CNTNAP2: variants seen among roughly 807,000 people sequenced by gnomAD.
CNTNAP2 encodes the protein contactin associated protein 2.
A neutral mutation model predicts 155.2 loss-of-function variants in CNTNAP2; 98 were observed. The observed-to-expected ratio is 0.63, with a 90% CI of 0.54 to 0.75. CNTNAP2 has a LOEUF of 0.75. Among genes scored for constraint, CNTNAP2 ranks in the 30% least tolerant of loss-of-function variants. The pLI is 0.00. For missense variants in CNTNAP2, 1,727 were observed against 1,688.1 expected (o/e 1.02, Z -0.40); for synonymous variants, 651 against 631.2 (o/e 1.03, Z -0.47).
chr7:147,986,579 C>T (rs1801620621), intron 15 of CNTNAP2, among the ~76,000 whole-genome samples: 1 of 152,152 alleles, frequency 6.6e-6, no homozygotes, highest in Admixed American at 6.5e-5. Context: ...GTGACTGGCC[C>T]AAGGTCTCAG....
chr7:147,333,615 T>A (rs192858901), intron 9 of CNTNAP2, among the ~76,000 whole-genome samples: 32 of 152,290 alleles, frequency 2.1e-4, no homozygotes, highest in Admixed American at 1.5e-3. Flanking sequence ...TAAGTAAATA[T>A]AATTGACCTA....
At chr7:148,224,666 TA>T (rs1328670535) in intron 19 of CNTNAP2, among the ~76,000 whole-genome samples, 16 of 152,216 alleles carry the variant, frequency 1.1e-4, no homozygotes, top group Non-Finnish European at 1.5e-5. Context: ...AGGGAGACTG[TA>T]TTCATCTGTT....
At chr7:147,575,915 G>C (rs549744479) in intron 12 of CNTNAP2, among the ~76,000 whole-genome samples, 13 of 151,952 alleles carry the variant, frequency 8.6e-5, no homozygotes, top group Middle Eastern at 3.4e-3. Context: ...TATGGAAACT[G>C]AAACACAAAC....
At chr7:147,226,966 C>T (rs930283717) in intron 8 of CNTNAP2, among the ~76,000 whole-genome samples, 1 of 152,068 alleles carries the variant, frequency 6.6e-6, no homozygotes, top group African/African-American at 2.4e-5. Flanking sequence ...TGGAAAGATA[C>T]AGACAATTAA....
At chr7:146,684,639 C>CAAA (rs3080477) in intron 1 of CNTNAP2, among the ~76,000 whole-genome samples, 1,757 of 63,412 alleles carry the variant, frequency 0.028, 176 homozygotes, top group Middle Eastern at 0.14. Flanking sequence ...AGATCCAGCG[C>CAAA]AAAAAAAAAA....
chr7:147,853,154 C>A (rs1798979122), intron 13 of CNTNAP2, among the ~76,000 whole-genome samples: 1 of 152,216 alleles, frequency 6.6e-6, no homozygotes, highest in African/African-American at 2.4e-5. Context: ...ATCTAAGTAG[C>A]ACCACCACTA....
intron 1 of CNTNAP2, among the ~76,000 whole-genome samples, chr7:146,517,694 G>A (rs1797561226): frequency 6.6e-6 from 1 of 151,794 alleles, no homozygotes; most frequent in Admixed American, 6.6e-5. Flanking sequence ...TGTAAAGAAA[G>A]GATTGTCTGA....
chr7:146,759,743 AG>A, intron 1 of CNTNAP2, among the ~76,000 whole-genome samples: 2 of 150,440 alleles, frequency 1.3e-5, no homozygotes, highest in Admixed American at 6.6e-5. Flanking sequence ...TGTGAGAGCA[AG>A]GTCCCTCAGA....
intron 1 of CNTNAP2, among the ~76,000 whole-genome samples, chr7:146,500,932 G>C (rs1797291677): frequency 6.6e-6 from 1 of 151,918 alleles, no homozygotes; most frequent in Non-Finnish European, 1.5e-5. Flanking sequence ...ATCATGAAAG[G>C]GTGCCAGATT....
chr7:146,261,477 G>A (rs982945636), intron 1 of CNTNAP2, among the ~76,000 whole-genome samples: 5 of 151,658 alleles, frequency 3.3e-5, no homozygotes, highest in African/African-American at 4.8e-5. Context: ...ATAGTTTTAT[G>A]AAGAGATAAA....
chr7:146,706,098 C>T (rs1800960832), intron 1 of CNTNAP2, among the ~76,000 whole-genome samples: 1 of 150,990 alleles, frequency 6.6e-6, no homozygotes, highest in Non-Finnish European at 1.5e-5. Flanking sequence ...CCAGTAACAC[C>T]CCTACCAGTC....
chr7:148,338,749 T>C (rs1379855174), intron 21 of CNTNAP2, among the ~76,000 whole-genome samples: 1 of 152,102 alleles, frequency 6.6e-6, no homozygotes, highest in Non-Finnish European at 1.5e-5. Context: ...CATGCCAGAA[T>C]ATTAAGATGC....
intron 9 of CNTNAP2, among the ~76,000 whole-genome samples, chr7:147,316,999 C>A (rs1384979166): frequency 1.3e-5 from 2 of 152,342 alleles, no homozygotes; most frequent in Admixed American, 6.5e-5. Context: ...CCATTGCCCT[C>A]CATCCAGGAT....
intron 3 of CNTNAP2, among the ~76,000 whole-genome samples, chr7:146,940,893 C>G (rs1035024065): frequency 1.3e-5 from 2 of 152,022 alleles, no homozygotes; most frequent in Non-Finnish European, 2.9e-5. Context: ...AAATGGGCCA[C>G]TTTCTAATTA....
intron 10 of CNTNAP2, among the ~76,000 whole-genome samples, chr7:147,430,122 T>C (rs1027096327): frequency 3.9e-5 from 6 of 152,190 alleles, no homozygotes; most frequent in African/African-American, 1.4e-4. Context: ...GAAATAGATA[T>C]TTGGTGTCAG....
chr7:146,456,182 T>C (rs1796552015), intron 1 of CNTNAP2, among the ~76,000 whole-genome samples: 1 of 152,172 alleles, frequency 6.6e-6, no homozygotes, highest in African/African-American at 2.4e-5. Flanking sequence ...TTTGGAAGTT[T>C]GTGAATGCCA....
chr7:148,264,186 A>G (rs1249005592), intron 20 of CNTNAP2, among the ~76,000 whole-genome samples: 5 of 152,240 alleles, frequency 3.3e-5, no homozygotes, highest in African/African-American at 1.2e-4. Context: ...CTAGTCATCC[A>G]TGACAAATGA....
chr7:148,383,606 T>C, intron 21 of CNTNAP2, 43 bp from the exon 22 acceptor site: 3 of 1,614,146 alleles, frequency 1.9e-6, no homozygotes, highest in Non-Finnish European at 2.5e-6. Context: ...ACAGCTGGAC[T>C]ATGGTGAGTC....
intron 9 of CNTNAP2, among the ~76,000 whole-genome samples, chr7:147,333,537 A>G (rs537226121): frequency 2.6e-5 from 4 of 152,322 alleles, no homozygotes; most frequent in African/African-American, 9.6e-5. Context: ...CCAAACCACT[A>G]TTGAAGATAG....
Sources: gnomAD v4.1 joint callset for allele counts (sites outside exome capture counted in the v4.1 genomes callset) on GRCh38, gnomAD v4.1.1 for gene constraint, MANE v1.5 for transcripts, NCBI Gene and HGNC (gene_info 2026-07-23, HGNC 2026-07-21) for gene names.